Variants in LRIG1 observed in about 807,000 individuals in gnomAD.
The protein encoded by LRIG1 is leucine-rich repeats and immunoglobulin-like domains protein 1.
A neutral mutation model predicts 99.2 loss-of-function variants in LRIG1; 48 were observed. The observed-to-expected ratio is 0.48, with a 90% CI of 0.38 to 0.62. The LOEUF (loss-of-function observed/expected upper bound fraction) is 0.62. Ranked by LOEUF, LRIG1 falls within the 20% of genes least tolerant of loss-of-function variation. The pLI is 0.00. For synonymous variants in LRIG1, 772 were observed against 596.1 expected (o/e 1.29, Z -4.30); for missense variants, 1,646 against 1,434.4 (o/e 1.15, Z -2.38).
chr3:66,482,030 C>T (rs906807780), intron 1 of LRIG1, among the ~76,000 whole-genome samples: 9 of 152,220 alleles, frequency 5.9e-5, no homozygotes, highest in African/African-American at 1.2e-4. Context: ...TTCTCAGCCA[C>T]GCTAATCTGC....
intron 3 of LRIG1, among the ~76,000 whole-genome samples, chr3:66,443,240 G>C (rs1396117081): frequency 6.7e-6 from 1 of 149,978 alleles, no homozygotes. Context: ...CTGCAACAGC[G>C]GCCTGCTGGC....
intron 9 of LRIG1, chr3:66,401,714 G>C: frequency 6.9e-7 from 1 of 1,443,114 alleles, no homozygotes. Flanking sequence ...CGGGATTATG[G>C]GCTGGGAGGA....
chr3:66,406,187 C>T (rs1702263352), intron 8 of LRIG1: 1 of 983,906 alleles, frequency 1.0e-6, no homozygotes, highest in South Asian at 4.7e-5. Flanking sequence ...GGTGACCTTT[C>T]TTGTCACAGC....
Position 66,394,330 on chromosome 3 carries a change from A to T in LRIG1, c.1305-127T>A, listed in dbSNP as rs1701757655. ...GAACATCAGCAAGCTGGAAGGGGGA[A>T]ATGGTTTTTCTCACACTTCCTCTCC... On this transcript the variant is annotated intron_variant, in intron 11 of 18. Coordinates refer to ENST00000273261, the MANE Select transcript of LRIG1 (RefSeq NM_015541.3). The T allele has an allele frequency of 3.7e-6, 3 of 808,016 alleles. No homozygotes were observed. In the East Asian group the frequency reaches 8.6e-5, roughly 23 times the overall value. The allele number at this position is 808,016 out of a possible 1,614,324, so 50.1% of individuals were successfully genotyped here. A position where few individuals can be genotyped will look rare whatever the true frequency, so the allele number is the denominator to read the frequency against.
At chr3:66,443,638 G>A (rs1559802143) in intron 3 of LRIG1, among the ~76,000 whole-genome samples, 1 of 152,152 alleles carries the variant, frequency 6.6e-6, no homozygotes, top group Non-Finnish European at 1.5e-5. Flanking sequence ...CCCAGCCCCT[G>A]TATGACAACT....
At chr3:66,453,865 G>A (rs928550826) in intron 2 of LRIG1, among the ~76,000 whole-genome samples, 16 of 152,212 alleles carry the variant, frequency 1.1e-4, no homozygotes, top group African/African-American at 2.4e-4. Flanking sequence ...TACGCCTGAT[G>A]AGCCTGGTCT....
In LRIG1 at chr3:66,384,052, G is replaced by A. The variant is rs765321542; in HGVS notation, c.2010C>T (p.Tyr670=). 1.3e-5 allele frequency: 21 copies of A among 1,613,930 alleles called. No homozygotes were observed. The highest frequency in any genetic ancestry group is 2.2e-5 in the East Asian group (1 of 44,884). ...TDVKIDDAGV[Y]SCTAQNSAGS... The stretch of plus-strand genomic sequence containing the variant: ...CGGCTGAGTTCTGAGCAGTACAGCT[G>A]TAAACCCCTGCGTCATCTATTTTCA... Residue 670 remains tyrosine (Y), a synonymous_variant, in exon 14 of 19, where the codon TAC becomes TAT. Coordinates refer to ENST00000273261, the MANE Select transcript of LRIG1 (RefSeq NM_015541.3).
chr3:66,486,509 C>T (rs188096024), intron 1 of LRIG1, among the ~76,000 whole-genome samples: 1 of 152,278 alleles, frequency 6.6e-6, no homozygotes, highest in African/African-American at 2.4e-5. Flanking sequence ...CTGCACTGCT[C>T]TGGGCTTTTC....
At chr3:66,451,265 CA>C (rs1287225345) in intron 3 of LRIG1, among the ~76,000 whole-genome samples, 1 of 151,710 alleles carries the variant, frequency 6.6e-6, no homozygotes, top group Non-Finnish European at 1.5e-5. Flanking sequence ...GCAGCTTAAC[CA>C]ACCACAGAAG....
chr3:66,404,105 C>G, intron 9 of LRIG1: 1 of 467,380 alleles, frequency 2.1e-6, no homozygotes. Context: ...ACAGGACGCT[C>G]AAGAAGTACC....
chr3:66,450,254 G>A (rs944790187), intron 3 of LRIG1, among the ~76,000 whole-genome samples: 7 of 152,118 alleles, frequency 4.6e-5, no homozygotes, highest in Non-Finnish European at 8.8e-5. Context: ...TTAAAGGTGA[G>A]ATCCTGCCAA....
intron 8 of LRIG1, chr3:66,405,743 GCCTC>G: frequency 4.5e-6 from 5 of 1,119,590 alleles, no homozygotes; most frequent in Non-Finnish European, 5.5e-6. Context: ...GCCCGTGGGC[GCCTC>G]CGTACCAGCC....
intron 8 of LRIG1, among the ~76,000 whole-genome samples, chr3:66,406,927 T>G (rs1239304802): frequency 1.3e-5 from 2 of 152,160 alleles, no homozygotes; most frequent in Non-Finnish European, 2.9e-5. Context: ...TCCCATGGTT[T>G]AGAGAAAAAA....
chr3:66,430,908 A>G (rs992706174), intron 3 of LRIG1, among the ~76,000 whole-genome samples: 1 of 151,932 alleles, frequency 6.6e-6, no homozygotes, highest in African/African-American at 2.4e-5. Flanking sequence ...AAATGTATCA[A>G]TACATCCCTA....
chr3:66,380,082 T>A lies in LRIG1; in HGVS notation c.*181A>T. On this transcript the variant is annotated 3_prime_UTR_variant, in exon 19 of 19. Coordinates refer to ENST00000273261, the MANE Select transcript of LRIG1 (RefSeq NM_015541.3). ...TATCAAATACTTTTTTTGCCTTTTG[T>A]ACACAAATCCCCTCTTGCGTTTACT... 1.8e-6 allele frequency: 1 copy of A among 542,638 alleles called. No individual in the cohort carries two copies. Among genetic ancestry groups the A allele is most frequent in the Non-Finnish European group, 3.2e-6 (1 of 309,846 alleles). 33.6% of individuals were successfully genotyped at this position (542,638 alleles called of 1,614,324 possible).
In LRIG1 at chr3:66,383,886, A is replaced by G. The variant is rs1701231030; in HGVS notation, c.2071+105T>C. On this transcript the variant is annotated intron_variant, in intron 14 of 18. Coordinates refer to ENST00000273261, the MANE Select transcript of LRIG1 (RefSeq NM_015541.3). ...CAGCCCCAAATTTCAAACAGGGTCG[A>G]AAGGCCCACAACGCATACCACCCCT... The G allele has an allele frequency of 6.2e-6, 9 of 1,457,010 alleles. No individual in the cohort carries two copies. In the South Asian group the frequency reaches 1.2e-4, roughly 19 times the overall value. The allele number at this position is 1,457,010 out of a possible 1,614,324, so 90.3% of individuals were successfully genotyped here. A position where few individuals can be genotyped will look rare whatever the true frequency, so the allele number is the denominator to read the frequency against.
chr3:66,401,511 G>A, intron 9 of LRIG1: 2 of 804,528 alleles, frequency 2.5e-6, no homozygotes, highest in South Asian at 4.4e-5. Flanking sequence ...AGGGCAGGCT[G>A]TTATTTTTAA....
intron 3 of LRIG1, among the ~76,000 whole-genome samples, chr3:66,436,815 C>A (rs1559798863): frequency 6.6e-6 from 1 of 152,092 alleles, no homozygotes; most frequent in African/African-American, 2.4e-5. Flanking sequence ...CTCATGCTCC[C>A]AAAATCTCCC....
At chr3:66,388,168 G>T (rs1701474500) in intron 12 of LRIG1, 1 of 136,650 alleles carries the variant, frequency 7.3e-6, no homozygotes, top group South Asian at 2.4e-4. Flanking sequence ...GCAATAAAGA[G>T]AAATTATAGA....
Sources: allele counts gnomAD v4.1 joint callset (sites outside exome capture counted in the v4.1 genomes callset), GRCh38; gene constraint gnomAD v4.1.1; transcripts MANE v1.5; gene names NCBI Gene and HGNC (gene_info 2026-07-23, HGNC 2026-07-21).